The following THRB variants were observed in gnomAD, a reference collection of about 807,000 sequenced individuals.
THRB encodes thyroid hormone receptor beta.
In THRB, 12 loss-of-function variants were observed where a neutral mutation model predicts 47.8. The observed-to-expected ratio is 0.25, with a 90% confidence interval of 0.16 to 0.41. The LOEUF (loss-of-function observed/expected upper bound fraction) is 0.41, where lower values mean the gene tolerates loss of function less well. Ranked by LOEUF, THRB falls within the 10% of genes least tolerant of loss-of-function variation. The probability of loss-of-function intolerance (pLI) is 1.00; values close to 1 mark genes in which losing one functional copy is unlikely to be tolerated. For missense variants in THRB, 348 were observed against 589.2 expected (o/e 0.59, Z 4.24); for synonymous variants, 218 against 212.2 (o/e 1.03, Z -0.24).
intron 5 of THRB, among the ~76,000 whole-genome samples, chr3:24,158,008 A>C (rs185758218): frequency 6.6e-6 from 1 of 152,252 alleles, no homozygotes; most frequent in Non-Finnish European, 1.5e-5. Flanking sequence ...GAAAGGGAAT[A>C]CGTTGATATA....
intron 3 of THRB, among the ~76,000 whole-genome samples, chr3:24,261,512 A>AAC (rs1553679535): frequency 1.3e-5 from 2 of 149,926 alleles, no homozygotes; most frequent in African/African-American, 5.0e-5. Context: ...AAAAAAAAAA[A>AAC]AAAAAACCAA....
At chr3:24,441,019 A>T (rs924325716) in intron 1 of THRB, among the ~76,000 whole-genome samples, 5 of 152,186 alleles carry the variant, frequency 3.3e-5, no homozygotes, top group African/African-American at 1.2e-4. Flanking sequence ...AAACTCAGCT[A>T]TGGCTTGGGG....
chr3:24,278,855 T>G (rs919278170), intron 3 of THRB, among the ~76,000 whole-genome samples: 5 of 152,300 alleles, frequency 3.3e-5, no homozygotes, highest in African/African-American at 1.2e-4. Context: ...TATTTATTAT[T>G]TATTTTTAGA....
chr3:24,327,516 C>T (rs1177408594), intron 2 of THRB, among the ~76,000 whole-genome samples: 1 of 152,162 alleles, frequency 6.6e-6, no homozygotes, highest in African/African-American at 2.4e-5. Context: ...TTAATATTCA[C>T]TTAACCAATA....
intron 1 of THRB, among the ~76,000 whole-genome samples, chr3:24,386,049 A>G (rs1446515101): frequency 1.3e-5 from 2 of 152,116 alleles, no homozygotes; most frequent in Non-Finnish European, 2.9e-5. Context: ...TGTTTCTTCA[A>G]TAACCTCAAC....
chr3:24,296,831 C>G (rs1559861411), intron 3 of THRB, among the ~76,000 whole-genome samples: 1 of 152,206 alleles, frequency 6.6e-6, no homozygotes, highest in Non-Finnish European at 1.5e-5. Flanking sequence ...GTTTGAGTTT[C>G]AGGGAACTCA....
intron 2 of THRB, among the ~76,000 whole-genome samples, chr3:24,331,587 T>C (rs2061931907): frequency 6.6e-6 from 1 of 152,166 alleles, no homozygotes; most frequent in South Asian, 2.1e-4. Flanking sequence ...AGAAAAGTTT[T>C]ACATTGTTGT....
chr3:24,278,437 C>A (rs946147479), intron 3 of THRB, among the ~76,000 whole-genome samples: 2 of 152,120 alleles, frequency 1.3e-5, no homozygotes, highest in Non-Finnish European at 2.9e-5. Flanking sequence ...GGCCCAAAAG[C>A]AGGGGTATAG....
At chr3:24,430,454 C>G (rs750411929) in intron 1 of THRB, among the ~76,000 whole-genome samples, 15 of 151,926 alleles carry the variant, frequency 9.9e-5, no homozygotes, top group Non-Finnish European at 2.2e-4. Flanking sequence ...TACCTCATGC[C>G]ATATAACACA....
chr3:24,237,285 C>G (rs2048971253), intron 3 of THRB, among the ~76,000 whole-genome samples: 1 of 152,202 alleles, frequency 6.6e-6, no homozygotes, highest in Admixed American at 6.5e-5. Flanking sequence ...CTATACTTTT[C>G]ATTTCAGATT....
At chr3:24,295,255 C>T (rs917240765) in intron 3 of THRB, among the ~76,000 whole-genome samples, 2 of 152,182 alleles carry the variant, frequency 1.3e-5, no homozygotes, top group African/African-American at 4.8e-5. Context: ...TAATTAATAT[C>T]TAAAGATGGT....
intron 6 of THRB, among the ~76,000 whole-genome samples, chr3:24,150,342 A>C (rs977361539): frequency 6.6e-6 from 1 of 151,302 alleles, no homozygotes; most frequent in African/African-American, 2.4e-5. Flanking sequence ...CACTTGAAAA[A>C]CTCGTTTGTC....
chr3:24,217,209 G>A (rs1006130640), intron 4 of THRB, among the ~76,000 whole-genome samples: 14 of 151,822 alleles, frequency 9.2e-5, no homozygotes, highest in Non-Finnish European at 4.4e-5. Flanking sequence ...CTAACCTGAG[G>A]TCTATAAAAG....
intron 1 of THRB, among the ~76,000 whole-genome samples, chr3:24,366,223 G>A (rs192329551): frequency 3.3e-5 from 5 of 152,090 alleles, no homozygotes; most frequent in South Asian, 2.1e-4. Flanking sequence ...ATCAACCATC[G>A]TTGAATCAGA....
chr3:24,142,327 T>C (rs2035561534), intron 8 of THRB, among the ~76,000 whole-genome samples: 1 of 152,238 alleles, frequency 6.6e-6, no homozygotes, highest in African/African-American at 2.4e-5. Context: ...TTTGCTGACA[T>C]TGCTGTTAGT....
At chr3:24,165,502 A>G in intron 5 of THRB, 1 of 587,824 alleles carries the variant, frequency 1.7e-6, no homozygotes, top group Non-Finnish European at 3.0e-6. Context: ...AATAAACACC[A>G]CCACCAACAC....
At chr3:24,209,033 C>G (rs1202338153) in intron 4 of THRB, among the ~76,000 whole-genome samples, 2 of 152,186 alleles carry the variant, frequency 1.3e-5, no homozygotes, top group East Asian at 1.9e-4. Context: ...AGGATATGAA[C>G]AGACTCTTCT....
At chr3:24,248,516 C>T (rs944596357) in intron 3 of THRB, among the ~76,000 whole-genome samples, 3 of 152,174 alleles carry the variant, frequency 2.0e-5, no homozygotes, top group Admixed American at 2.0e-4. Context: ...CCCTCAGCTC[C>T]AGATCCACCC....
intron 3 of THRB, among the ~76,000 whole-genome samples, chr3:24,254,892 C>T (rs1456124074): frequency 2.0e-5 from 3 of 152,204 alleles, no homozygotes; most frequent in Admixed American, 2.0e-4. Context: ...GAATGCAAAG[C>T]TTTCTATGAG....
Sources: gnomAD v4.1 joint callset for allele counts (sites outside exome capture counted in the v4.1 genomes callset) on GRCh38, gnomAD v4.1.1 for gene constraint, MANE v1.5 for transcripts, NCBI Gene and HGNC (gene_info 2026-07-23, HGNC 2026-07-21) for gene names.